The following CAMK1D variants were observed in gnomAD, a reference collection of about 807,000 sequenced individuals.
The protein encoded by CAMK1D is calcium/calmodulin-dependent protein kinase type 1D.
Under a neutral mutation model 47.7 loss-of-function variants are expected in CAMK1D, and 9 were observed. The observed-to-expected ratio is 0.19, with a 90% CI of 0.11 to 0.33. The LOEUF is 0.33. Ranked by LOEUF, CAMK1D falls within the 10% of genes least tolerant of loss-of-function variation. The pLI is 1.00. For synonymous variants in CAMK1D, 184 were observed against 184.9 expected (o/e 0.99, Z 0.04); for missense variants, 291 against 488.7 (o/e 0.60, Z 3.81).
In CAMK1D at chr10:12,440,308, G is replaced by A. The variant is rs12263783; in HGVS notation, c.92+90398G>A. Among the ~76,000 whole-genome samples, 124 of 148,332 alleles carry A rather than the reference G, an allele frequency of 8.4e-4. 1 individual carries two copies. Among genetic ancestry groups the A allele is most frequent in the African/African-American group, 2.6e-3 (104 of 40,180 alleles). ...TGGATTTTTTTTTTTTTTTTGAGACGGAGTCTCCTTCTGTCACCCAGGCTG... is the reference window on the plus strand; with the variant it reads ...TGGATTTTTTTTTTTTTTTTGAGACAGAGTCTCCTTCTGTCACCCAGGCTG... On this transcript the variant is annotated intron_variant, in intron 1 of 10. Transcript: ENST00000619168.
intron 2 of CAMK1D, among the ~76,000 whole-genome samples, chr10:12,605,360 G>GTGTGTGTGTGTA (rs1838424130): frequency 6.6e-6 from 1 of 151,348 alleles, no homozygotes; most frequent in Admixed American, 6.6e-5. Context: ...GTGTGTGTGT[G>GTGTGTGTGTGTA]TGTGTGTATG....
intron 2 of CAMK1D, among the ~76,000 whole-genome samples, chr10:12,640,956 G>A (rs1243408752): frequency 6.6e-6 from 1 of 151,624 alleles, no homozygotes; most frequent in African/African-American, 2.4e-5. Flanking sequence ...TTAAAATACA[G>A]TTTTTTTGTT....
chr10:12,371,449 G>A (rs1158332409), intron 1 of CAMK1D, among the ~76,000 whole-genome samples: 4 of 151,212 alleles, frequency 2.6e-5, no homozygotes, highest in Non-Finnish European at 3.0e-5. Context: ...AGTGGCGGGC[G>A]CCTGTAGTCC....
chr10:12,810,502 T>TG (rs1408564139), intron 6 of CAMK1D, among the ~76,000 whole-genome samples: 1 of 152,228 alleles, frequency 6.6e-6, no homozygotes, highest in Non-Finnish European at 1.5e-5. Context: ...CTCGAACTCC[T>TG]GACCTCAGGT....
chr10:12,497,171 C>T (rs923288716), intron 1 of CAMK1D, among the ~76,000 whole-genome samples: 7 of 152,014 alleles, frequency 4.6e-5, no homozygotes, highest in Non-Finnish European at 1.0e-4. Context: ...CCATGTCTTT[C>T]GTTAACAGCA....
intron 2 of CAMK1D, among the ~76,000 whole-genome samples, chr10:12,566,233 G>A (rs545115635): frequency 2.5e-4 from 38 of 152,244 alleles, no homozygotes; most frequent in African/African-American, 8.4e-4. Context: ...GCTAGACAGC[G>A]GGAATAGGGG....
At chr10:12,356,168 C>T (rs1837509743) in intron 1 of CAMK1D, among the ~76,000 whole-genome samples, 1 of 151,998 alleles carries the variant, frequency 6.6e-6, no homozygotes, top group East Asian at 1.9e-4. Flanking sequence ...GCCCCCACCT[C>T]CCAAAGTGCT....
chr10:12,485,434 C>T (rs934783419), intron 1 of CAMK1D, among the ~76,000 whole-genome samples: 8 of 152,092 alleles, frequency 5.3e-5, no homozygotes, highest in Admixed American at 4.6e-4. Flanking sequence ...GAAGCTTGGG[C>T]CCCAGGTTCA....
At chr10:12,576,618 A>G (rs1837496559) in intron 2 of CAMK1D, among the ~76,000 whole-genome samples, 1 of 152,100 alleles carries the variant, frequency 6.6e-6, no homozygotes, top group Non-Finnish European at 1.5e-5. Context: ...AGATTTTCAT[A>G]AGGAACACAC....
chr10:12,771,470 A>G (rs1361016102), intron 5 of CAMK1D, among the ~76,000 whole-genome samples: 1 of 152,378 alleles, frequency 6.6e-6, no homozygotes, highest in Admixed American at 6.5e-5. Context: ...AGGTCCTTGC[A>G]TATAATTACA....
intron 9 of CAMK1D, among the ~76,000 whole-genome samples, chr10:12,825,299 A>G (rs932716940): frequency 8.1e-5 from 12 of 147,774 alleles, no homozygotes; most frequent in African/African-American, 2.7e-4. Flanking sequence ...CATCTCTTAA[A>G]TTACAGAGAG....
intron 2 of CAMK1D, among the ~76,000 whole-genome samples, chr10:12,606,531 G>T (rs1426639922): frequency 6.6e-6 from 1 of 152,204 alleles, no homozygotes; most frequent in East Asian, 1.9e-4. Flanking sequence ...TTAACTCGTG[G>T]TTTCCTGATG....
At chr10:12,615,764 G>T (rs577996805) in intron 2 of CAMK1D, among the ~76,000 whole-genome samples, 1 of 151,038 alleles carries the variant, frequency 6.6e-6, no homozygotes, top group East Asian at 2.0e-4. Context: ...GTGTGCGTAG[G>T]TGTGTGTAAG....
At chr10:12,741,398 C>G (rs1454451087) in intron 3 of CAMK1D, among the ~76,000 whole-genome samples, 1 of 152,254 alleles carries the variant, frequency 6.6e-6, no homozygotes. Context: ...CAGAAAGGCA[C>G]TGACCACGCT....
At chr10:12,647,094 G>C (rs1003459191) in intron 2 of CAMK1D, among the ~76,000 whole-genome samples, 3 of 143,384 alleles carry the variant, frequency 2.1e-5, no homozygotes, top group Non-Finnish European at 4.5e-5. Flanking sequence ...GCCCACCTCA[G>C]CCTCCCAAAG....
chr10:12,392,716 T>C (rs983104646), intron 1 of CAMK1D, among the ~76,000 whole-genome samples: 2 of 152,188 alleles, frequency 1.3e-5, no homozygotes, highest in South Asian at 2.1e-4. Context: ...TTATTGAGCA[T>C]AGTCACTATG....
At chr10:12,672,308 CT>C (rs1840648824) in intron 3 of CAMK1D, among the ~76,000 whole-genome samples, 1 of 151,776 alleles carries the variant, frequency 6.6e-6, no homozygotes, top group Non-Finnish European at 1.5e-5. Context: ...TTTTTGTGTC[CT>C]GTGTTAAAAG....
intron 2 of CAMK1D, among the ~76,000 whole-genome samples, chr10:12,608,275 A>G (rs994787628): frequency 1.3e-5 from 2 of 152,130 alleles, no homozygotes; most frequent in African/African-American, 4.8e-5. Context: ...AAAAATTAGC[A>G]GGCATGGTAG....
chr10:12,582,833 G>T (rs571371919), intron 2 of CAMK1D, among the ~76,000 whole-genome samples: 2 of 152,324 alleles, frequency 1.3e-5, no homozygotes, highest in South Asian at 4.1e-4. Context: ...AAGACAGTGA[G>T]TCCCAGGAAA....
Sources: gnomAD v4.1 joint callset for allele counts (sites outside exome capture counted in the v4.1 genomes callset) on GRCh38, gnomAD v4.1.1 for gene constraint, MANE v1.5 for transcripts, NCBI Gene and HGNC (gene_info 2026-07-23, HGNC 2026-07-21) for gene names.